The following MTAP variants were observed in gnomAD, a reference collection of about 807,000 sequenced individuals.
The protein encoded by MTAP is methylthioadenosine phosphorylase.
A neutral mutation model predicts 33.6 loss-of-function variants in MTAP; 33 were observed. That is an observed-to-expected ratio of 0.98 (90% CI 0.74 to 1.31). The LOEUF is 1.31. Among genes scored for constraint, MTAP ranks in the 40% most tolerant of loss-of-function variants. The probability of loss-of-function intolerance (pLI) is 0.00; values close to 1 mark genes in which losing one functional copy is unlikely to be tolerated. For missense variants in MTAP, 367 were observed against 360.0 expected, an observed-to-expected ratio of 1.02 and a Z score of -0.16; for synonymous variants, 148 against 125.7, an observed-to-expected ratio of 1.18 and a Z score of -1.19.
chr9:21,829,354 C>T (rs140247138), intron 4 of MTAP, among the ~76,000 whole-genome samples: 14 of 152,180 alleles, frequency 9.2e-5, no homozygotes, highest in Non-Finnish European at 2.1e-4. Context: ...ACCCACTACA[C>T]GTTGGTTCTT....
At chr9:21,869,422 C>A (rs1343074845), downstream of MTAP, among the ~76,000 whole-genome samples, 3 of 152,172 alleles carry the variant, frequency 2.0e-5, no homozygotes, top group Admixed American at 6.5e-5. Context: ...TCCAAGGACA[C>A]CACACTCTTG....
chr9:21,938,302 T>A (rs1000641873), downstream of MTAP, among the ~76,000 whole-genome samples: 5 of 148,396 alleles, frequency 3.4e-5, no homozygotes, highest in Non-Finnish European at 7.4e-5. Flanking sequence ...TAGCCTAACA[T>A]GGTGTCATGC....
chr9:21,835,789 A>G (rs144366325), intron 4 of MTAP, among the ~76,000 whole-genome samples: 193 of 152,294 alleles, frequency 1.3e-3, no homozygotes, highest in Non-Finnish European at 2.1e-3. Context: ...ACAATGACAC[A>G]TCCTGTTATG....
At chr9:21,853,856 CAGTTA>C (rs538984476) in intron 5 of MTAP, among the ~76,000 whole-genome samples, 67 of 152,138 alleles carry the variant, frequency 4.4e-4, no homozygotes, top group African/African-American at 1.6e-3. Context: ...AGTAAGTTAA[CAGTTA>C]AGTTGAAAAG....
downstream of MTAP, among the ~76,000 whole-genome samples, chr9:21,872,008 C>G (rs1325032123): frequency 6.6e-6 from 1 of 152,100 alleles, no homozygotes; most frequent in Non-Finnish European, 1.5e-5. Flanking sequence ...GTGTTTTAAC[C>G]ATTATGCTAA....
At chr9:21,872,529 T>C (rs1252147038) in intron 1 of MTAP, among the ~76,000 whole-genome samples, 1 of 152,246 alleles carries the variant, frequency 6.6e-6, no homozygotes, top group South Asian at 2.1e-4. Context: ...TCTACAGATA[T>C]ACACTGTCAC....
intron 4 of MTAP, among the ~76,000 whole-genome samples, chr9:21,818,494 A>C (rs1180526078): frequency 1.3e-5 from 2 of 151,510 alleles, no homozygotes; most frequent in African/African-American, 4.9e-5. Flanking sequence ...TGCCCAGCTA[A>C]TTTTTGTATT....
chr9:21,831,211 C>T (rs1824958358), intron 4 of MTAP, among the ~76,000 whole-genome samples: 1 of 152,206 alleles, frequency 6.6e-6, no homozygotes, highest in Non-Finnish European at 1.5e-5. Context: ...GCAATTTCTA[C>T]AGTTGCTCTT....
chr9:21,821,804 C>G (rs1487993385), intron 4 of MTAP, among the ~76,000 whole-genome samples: 1 of 152,032 alleles, frequency 6.6e-6, no homozygotes, highest in African/African-American at 2.4e-5. Flanking sequence ...AACTTCAGAG[C>G]CTGTTTGTTA....
chr9:21,811,370 G>T (rs1181377616), intron 1 of MTAP, among the ~76,000 whole-genome samples: 1 of 152,172 alleles, frequency 6.6e-6, no homozygotes, highest in Non-Finnish European at 1.5e-5. Context: ...GTTCTGACCA[G>T]GTGAACTGGT....
exon 2 of MTAP, chr9:21,931,056 A>C (rs760348159): frequency 1.3e-6 from 1 of 764,500 alleles, no homozygotes; most frequent in Non-Finnish European, 2.4e-6. Context: ...TCCTTTCAAT[A>C]TTCAAGAGTC....
At chr9:21,851,541 G>T (rs1480551056) in intron 5 of MTAP, among the ~76,000 whole-genome samples, 1 of 152,176 alleles carries the variant, frequency 6.6e-6, no homozygotes, top group Non-Finnish European at 1.5e-5. Flanking sequence ...TATGTTACGT[G>T]TAATTATGAC....
At chr9:21,908,804 A>G (rs929091387) in intron 1 of MTAP, among the ~76,000 whole-genome samples, 10 of 151,846 alleles carry the variant, frequency 6.6e-5, no homozygotes, top group African/African-American at 2.2e-4. Context: ...TTTTTTAGTG[A>G]TATTAAATTA....
At chr9:21,829,516 A>G (rs1157838840) in intron 4 of MTAP, among the ~76,000 whole-genome samples, 1 of 150,956 alleles carries the variant, frequency 6.6e-6, no homozygotes, top group Non-Finnish European at 1.5e-5. Context: ...AGTGTGAGCC[A>G]CTGTGCCTGG....
At chr9:21,822,009 T>C (rs2118114516) in intron 4 of MTAP, among the ~76,000 whole-genome samples, 1 of 152,286 alleles carries the variant, frequency 6.6e-6, no homozygotes, top group African/African-American at 2.4e-5. Flanking sequence ...ATCTATTTGA[T>C]TCTTCTCTCT....
intron 1 of MTAP, chr9:21,811,566 G>C: frequency 2.6e-6 from 1 of 377,822 alleles, no homozygotes; most frequent in Non-Finnish European, 5.2e-6. Flanking sequence ...CAGATTGTGC[G>C]TGAATAAAGG....
chr9:21,823,083 A>C (rs1030135509), intron 4 of MTAP, among the ~76,000 whole-genome samples: 1 of 152,066 alleles, frequency 6.6e-6, no homozygotes, highest in African/African-American at 2.4e-5. Flanking sequence ...TCTTTATCCA[A>C]TTTGCCAGTC....
rs139388346 is a variant in MTAP at position 21,845,803 on chromosome 9, G to C, written c.450+7793G>C. Among the ~76,000 whole-genome samples, 1,311 of 151,694 alleles carry C rather than the reference G, an allele frequency of 8.6e-3. 10 individuals carry two copies. The highest frequency in any genetic ancestry group is 0.011 in the Non-Finnish European group (780 of 67,922). ...TGAGACCAAAAAAAGAGCCCATATA[G>C]CCAAAGCAAGACTAAGCAAAAAGAA... is the stretch of plus-strand genomic sequence containing the variant. On this transcript the variant is annotated intron_variant, in intron 5 of 7. Transcript: ENST00000644715.
intron 1 of MTAP, among the ~76,000 whole-genome samples, chr9:21,814,191 G>T (rs546772034): frequency 6.6e-6 from 1 of 152,218 alleles, no homozygotes; most frequent in Admixed American, 6.5e-5. Context: ...TTTGTTTTTT[G>T]TTGTTGTTGC....
Sources: gnomAD v4.1 joint callset for allele counts (sites outside exome capture counted in the v4.1 genomes callset) on GRCh38, gnomAD v4.1.1 for gene constraint, MANE v1.5 for transcripts, NCBI Gene and HGNC (gene_info 2026-07-23, HGNC 2026-07-21) for gene names.